MAP3K21: variants seen among roughly 807,000 people sequenced by gnomAD.
The protein encoded by MAP3K21 is mitogen-activated protein kinase kinase kinase 21.
Under a neutral mutation model 86.1 loss-of-function variants are expected in MAP3K21, and 63 were observed. The observed-to-expected ratio is 0.73, with a 90% CI of 0.60 to 0.90. The LOEUF (loss-of-function observed/expected upper bound fraction) is 0.90, where lower values mean the gene tolerates loss of function less well. MAP3K21 is among the 40% of genes least tolerant of loss of function. The pLI is 0.00. For synonymous variants in MAP3K21, 558 were observed against 564.8 expected, an observed-to-expected ratio of 0.99 and a Z score of 0.17; for missense variants, 1,220 against 1,367.7, an observed-to-expected ratio of 0.89 and a Z score of 1.70.
chr1:233,348,824 A>C (rs894039420), intron 2 of MAP3K21, among the ~76,000 whole-genome samples: 1 of 152,170 alleles, frequency 6.6e-6, no homozygotes. Context: ...AGTACTTGTA[A>C]GTGCCGGAAC....
intron 1 of MAP3K21, among the ~76,000 whole-genome samples, chr1:233,339,195 T>TTTCTTCTTCTTCTTCTTCTTCTTCTTC (rs71173272): frequency 1.8e-4 from 21 of 115,364 alleles, no homozygotes; most frequent in Admixed American, 2.6e-4. Context: ...AAAACAATCA[T>TTTCTTCTTCTTCTTCTTCTTCTTCTTC]TTCTTCTTCT....
chr1:233,358,469 A>ATTTGTT (rs1553338866), intron 4 of MAP3K21, among the ~76,000 whole-genome samples: 2 of 68,766 alleles, frequency 2.9e-5, no homozygotes, highest in East Asian at 1.2e-3. Context: ...AAAGACTCTA[A>ATTTGTT]TTTGTTTTTT....
At chr1:233,358,001 C>A (rs970039231) in intron 4 of MAP3K21, among the ~76,000 whole-genome samples, 1 of 151,870 alleles carries the variant, frequency 6.6e-6, no homozygotes, top group Non-Finnish European at 1.5e-5. Flanking sequence ...CCCTCACCCC[C>A]CACCAGGAAC....
At chr1:233,361,737 C>T (rs1663468825) in intron 4 of MAP3K21, among the ~76,000 whole-genome samples, 1 of 152,088 alleles carries the variant, frequency 6.6e-6, no homozygotes, top group Non-Finnish European at 1.5e-5. Context: ...TGTGAAAAAC[C>T]AAGTGTAGAA....
chr1:233,351,310 A>G (rs538372203), intron 2 of MAP3K21, among the ~76,000 whole-genome samples: 6 of 152,318 alleles, frequency 3.9e-5, no homozygotes, highest in Non-Finnish European at 7.3e-5. Context: ...AATATATTAT[A>G]TATTTCCTTT....
intron 8 of MAP3K21, among the ~76,000 whole-genome samples, 194 bp from the exon 9 acceptor site, chr1:233,378,737 C>T (rs1663845967): frequency 1.3e-5 from 2 of 152,116 alleles, no homozygotes; most frequent in African/African-American, 4.8e-5. Context: ...CTGCAGGGAA[C>T]CTGAAGTTGT....
intron 4 of MAP3K21, among the ~76,000 whole-genome samples, chr1:233,358,271 A>G (rs1663402161): frequency 6.6e-6 from 1 of 152,068 alleles, no homozygotes; most frequent in Non-Finnish European, 1.5e-5. Context: ...CAGGAAAAAA[A>G]AAGAAAGTGG....
intron 2 of MAP3K21, among the ~76,000 whole-genome samples, 161 bp from the exon 3 acceptor site, chr1:233,353,646 A>C (rs1052360206): frequency 6.6e-6 from 1 of 152,236 alleles, no homozygotes; most frequent in Admixed American, 6.5e-5. Flanking sequence ...GATGGGAAGA[A>C]TCCACCTCCC....
rs1470934439 is a variant in MAP3K21 at position 233,382,480 on chromosome 1, C to T, written c.2880C>T (p.Tyr960=). ...LRSRSDLPQA[Y]PQTAVSQLAQ... is the part of the protein sequence containing the mutation. ...GCCGCTCAGATCTGCCTCAGGCTTA[C>T]CCACAGACAGCAGTGTCTCAGCTGG... Residue 960 remains tyrosine, a synonymous_variant, in exon 10 of 10, where the codon TAC becomes TAT. Transcript: ENST00000366624. 1 of 1,614,048 alleles carries T rather than the reference C, an allele frequency of 6.2e-7. No homozygotes were observed. Among genetic ancestry groups the T allele is most frequent in the African/African-American group, 1.3e-5 (1 of 74,928 alleles).
Position 233,375,906 on chromosome 1 carries a change from T to C in MAP3K21, c.1676-10T>C, listed in dbSNP as rs764315441. ...GTTGTGGTTAATATGGTTAATAATGTTCTTTTTAGTGACTTCAGATGAAAG... is the reference window on the plus strand; with the variant it reads ...GTTGTGGTTAATATGGTTAATAATGCTCTTTTTAGTGACTTCAGATGAAAG... On this transcript the variant is annotated splice_polypyrimidine_tract_variant and intron_variant, in intron 6 of 9. Coordinates refer to ENST00000366624, the MANE Select transcript of MAP3K21 (RefSeq NM_032435.3). The C allele has an allele frequency of 1.2e-6, 2 of 1,606,054 alleles. No individual in the cohort carries two copies. Among genetic ancestry groups the C allele is most frequent in the South Asian group, 2.2e-5 (2 of 90,440 alleles).
chr1:233,378,265 G>A (rs985019769), intron 8 of MAP3K21, among the ~76,000 whole-genome samples: 1 of 152,176 alleles, frequency 6.6e-6, no homozygotes, highest in Non-Finnish European at 1.5e-5. Context: ...CCTCTTAAGC[G>A]GGTATAATTT....
intron 4 of MAP3K21, among the ~76,000 whole-genome samples, chr1:233,357,321 T>TGCAGAACACCAACAGGGC (rs1306565254): frequency 6.6e-6 from 1 of 151,500 alleles, no homozygotes; most frequent in Non-Finnish European, 1.5e-5. Flanking sequence ...AGTTAATGGG[T>TGCAGAACACCAACAGGGC]GCAGCACACC....
Position 233,375,909 on chromosome 1 carries a change from T to C in MAP3K21, c.1676-7T>C, listed in dbSNP as rs1663786747. The C allele has an allele frequency of 6.2e-7, 1 of 1,607,810 alleles. No individual in the cohort carries two copies. The highest frequency in any genetic ancestry group is 8.5e-7 in the Non-Finnish European group (1 of 1,175,380). On this transcript the variant is annotated splice_polypyrimidine_tract_variant and splice_region_variant and intron_variant, in intron 6 of 9. Transcript: ENST00000366624. The stretch of plus-strand genomic sequence containing the variant: ...GTGGTTAATATGGTTAATAATGTTC[T>C]TTTTAGTGACTTCAGATGAAAGCAA...
chr1:233,341,319 C>T (rs1365717578), intron 1 of MAP3K21, among the ~76,000 whole-genome samples: 28 of 152,104 alleles, frequency 1.8e-4, no homozygotes, highest in Admixed American at 1.8e-3. Flanking sequence ...GCAGTGTGCC[C>T]CATTATATTA....
In MAP3K21 at chr1:233,367,564, C is replaced by T. The variant is rs73094930; in HGVS notation, c.1553-4474C>T. 5.8e-3 allele frequency among the ~76,000 whole-genome samples: 889 copies of T among 152,228 alleles called. 11 individuals are homozygous for T. Among genetic ancestry groups the T allele is most frequent in the African/African-American group, 0.021 (859 of 41,550 alleles). On this transcript the variant is annotated intron_variant, in intron 5 of 9. Transcript: ENST00000366624. ...TACTTCAAAGGGACAAGGATGTTTA[C>T]GATAAAGAATGTTGGCTGGGCGTGG...
chr1:233,366,355 C>G (rs1352859548), intron 5 of MAP3K21, among the ~76,000 whole-genome samples: 1 of 152,082 alleles, frequency 6.6e-6, no homozygotes, highest in Non-Finnish European at 1.5e-5. Flanking sequence ...ATTGAATGTT[C>G]ACAACACAAA....
chr1:233,381,227 C>T lies in MAP3K21; in HGVS notation c.2705-1078C>T, dbSNP rs142040234. Among the ~76,000 whole-genome samples, 401 of 152,164 alleles carry T rather than the reference C, an allele frequency of 2.6e-3. 2 individuals are homozygous for T. The highest frequency in any genetic ancestry group is 9.4e-3 in the African/African-American group (389 of 41,500). On this transcript the variant is annotated intron_variant, in intron 9 of 9. Coordinates refer to ENST00000366624, the MANE Select transcript of MAP3K21 (RefSeq NM_032435.3). The stretch of plus-strand genomic sequence containing the variant: ...TGCTTATATGCTGAGTGAATTTGGG[C>T]GAATCACTTAAACATTTTGTGCCTC...
At chr1:233,352,357 A>G (rs558675818) in intron 2 of MAP3K21, among the ~76,000 whole-genome samples, 1 of 151,886 alleles carries the variant, frequency 6.6e-6, no homozygotes, top group South Asian at 2.1e-4. Flanking sequence ...CTGAAACTAT[A>G]TGATATATTA....
Position 233,328,549 on chromosome 1 carries a change from T to C in MAP3K21, c.521T>C (p.Leu174Pro). ...AAESVRREAR[L>P]FAMLRHPNII... ...GAGAGCGTGCGGCGCGAGGCTCGGCTCTTCGCCATGCTGCGGCACCCCAAC... is the reference window on the plus strand; with the variant it reads ...GAGAGCGTGCGGCGCGAGGCTCGGCCCTTCGCCATGCTGCGGCACCCCAAC... Residue 174 changes from leucine to proline, a missense_variant, in exon 1 of 10, where the codon CTC becomes CCC. By Grantham distance (98) the Leu-to-Pro change is moderately conservative (BLOSUM62 -3). This residue lies in a region of MAP3K21 where 369 missense variants were observed against 385.3 expected (regional missense o/e 0.96). Coordinates refer to ENST00000366624, the MANE Select transcript of MAP3K21 (RefSeq NM_032435.3). This position sits in a 1 kb window ranked among gnomAD's most constrained non-coding sequence, Gnocchi z 8.7. 1 of 1,533,676 alleles carries C rather than the reference T, an allele frequency of 6.5e-7. No homozygotes were observed. The highest frequency in any genetic ancestry group is 2.7e-5 in the East Asian group (1 of 37,500).
Sources: allele counts gnomAD v4.1 joint callset (sites outside exome capture counted in the v4.1 genomes callset), GRCh38; gene constraint gnomAD v4.1.1; regional missense constraint gnomAD v4.1.1; non-coding constraint Gnocchi (gnomAD v3.1); transcripts MANE v1.5; gene names NCBI Gene and HGNC (gene_info 2026-07-23, HGNC 2026-07-21).